NDUFA12: variants seen among roughly 807,000 people sequenced by gnomAD.
The protein encoded by NDUFA12 is NADH:ubiquinone oxidoreductase subunit A12, also known as NADH dehydrogenase [ubiquinone] 1 alpha subcomplex subunit 12.
Under a neutral mutation model 20.3 loss-of-function variants are expected in NDUFA12, and 17 were observed. The observed-to-expected ratio is 0.84, with a 90% CI of 0.57 to 1.26. The LOEUF is 1.26. NDUFA12 is among the 50% of genes most tolerant of loss of function. The pLI is 0.00. For missense variants in NDUFA12, 191 were observed against 183.7 expected, an observed-to-expected ratio of 1.04 and a Z score of -0.23; for synonymous variants, 72 against 63.6, an observed-to-expected ratio of 1.13 and a Z score of -0.63.
At chr12:94,984,716 A>AG in intron 3 of NDUFA12, among the ~76,000 whole-genome samples, 2 of 111,478 alleles carry the variant, frequency 1.8e-5, no homozygotes, top group East Asian at 2.5e-4. Context: ...CTAATAGCCA[A>AG]AAAAAAAAAA....
At chr12:94,977,397 A>C (rs1010418053) in intron 3 of NDUFA12, among the ~76,000 whole-genome samples, 3 of 151,976 alleles carry the variant, frequency 2.0e-5, no homozygotes, top group South Asian at 2.1e-4. Context: ...GCTTGAGCCC[A>C]GGATTTTGAG....
intron 3 of NDUFA12, among the ~76,000 whole-genome samples, chr12:94,985,144 G>A (rs1395358946): frequency 6.6e-6 from 1 of 151,932 alleles, no homozygotes; most frequent in Non-Finnish European, 1.5e-5. Flanking sequence ...GTAACATAGG[G>A]AGACTGTGTT....
intron 2 of NDUFA12, among the ~76,000 whole-genome samples, chr12:94,997,793 G>A (rs1363070375): frequency 1.4e-5 from 2 of 138,492 alleles, no homozygotes; most frequent in Admixed American, 7.6e-5. Context: ...AGCATTTTGG[G>A]TAAGGGATAC....
intron 3 of NDUFA12, among the ~76,000 whole-genome samples, chr12:94,976,426 A>T (rs887906951): frequency 1.3e-5 from 2 of 152,186 alleles, no homozygotes; most frequent in African/African-American, 4.8e-5. Context: ...GGATGCCAAA[A>T]TCCACAAATG....
chr12:94,978,522 T>C (rs1647735622), intron 3 of NDUFA12, among the ~76,000 whole-genome samples: 1 of 152,330 alleles, frequency 6.6e-6, no homozygotes, highest in East Asian at 1.9e-4. Context: ...AATCTGCCTA[T>C]GCACTGGGGA....
chr12:94,988,787 C>T (rs376377437), intron 3 of NDUFA12, among the ~76,000 whole-genome samples: 1 of 152,208 alleles, frequency 6.6e-6, no homozygotes, highest in East Asian at 1.9e-4. Context: ...TCATTTGGTG[C>T]TAACGCCATT....
At chr12:94,974,053 C>A (rs1873982170) in intron 3 of NDUFA12, among the ~76,000 whole-genome samples, 2 of 148,626 alleles carry the variant, frequency 1.3e-5, no homozygotes, top group Admixed American at 6.9e-5. Flanking sequence ...CTCACTGCAA[C>A]CTCTGCCTCC....
chr12:94,994,095 G>A (rs561052594), intron 3 of NDUFA12, 75 bp downstream of exon 3: 2 of 1,340,996 alleles, frequency 1.5e-6, no homozygotes, highest in Middle Eastern at 1.8e-4. Flanking sequence ...CTGCACTCCA[G>A]CCTGGGTGAC....
intron 2 of NDUFA12, among the ~76,000 whole-genome samples, chr12:94,996,746 G>C (rs962202022): frequency 5.9e-5 from 9 of 151,672 alleles, no homozygotes; most frequent in Admixed American, 2.0e-4. Context: ...TTGAACCTGG[G>C]AGGTGGAGGT....
chr12:94,996,027 G>A (rs1001634403), intron 2 of NDUFA12, among the ~76,000 whole-genome samples: 7 of 151,524 alleles, frequency 4.6e-5, no homozygotes, highest in African/African-American at 1.7e-4. Context: ...GGGCAACATA[G>A]TGAAACCTTG....
chr12:95,002,725 A>G lies in NDUFA12; in HGVS notation c.169+14T>C. 1 of 1,599,346 alleles carries G rather than the reference A, an allele frequency of 6.3e-7. No individual in the cohort carries two copies. The highest frequency in any genetic ancestry group is 8.6e-7 in the Non-Finnish European group (1 of 1,166,620). ...CCCAATCCAATTATTCATACTAAAA[A>G]ATACTGCACTCACCAAAAAATTGCT... On this transcript the variant is annotated intron_variant, in intron 2 of 3. Coordinates refer to ENST00000327772, the MANE Select transcript of NDUFA12 (RefSeq NM_018838.5).
chr12:94,993,624 CAAAAAAAAAAAAAAAAAAA>C (rs61481976), intron 3 of NDUFA12, among the ~76,000 whole-genome samples: 1 of 11,350 alleles, frequency 8.8e-5, no homozygotes, highest in African/African-American at 3.6e-4. Context: ...GACTCTGTCT[CAAAAAAAAAAAAAAAAAAA>C]AAAAAAAAAA....
At position 94,979,230 on chromosome 12, in the gene NDUFA12, C is replaced by T. The variant is rs193042185; in HGVS notation, c.258-7610G>A. On this transcript the variant is annotated intron_variant, in intron 3 of 3. Coordinates refer to ENST00000327772, the MANE Select transcript of NDUFA12 (RefSeq NM_018838.5). ...CTCCATCCTCGGCAACAGAGCAAGA[C>T]CCCACCTCTAAAACAAACACCCCCA... is the stretch of plus-strand genomic sequence containing the variant. Among the ~76,000 whole-genome samples, 602 of 152,202 alleles carry T rather than the reference C, an allele frequency of 4.0e-3. 4 individuals carry two copies. The highest frequency in any genetic ancestry group is 6.8e-3 in the Middle Eastern group (2 of 294).
chr12:94,995,884 T>A (rs1178416232), intron 2 of NDUFA12, among the ~76,000 whole-genome samples: 1 of 149,314 alleles, frequency 6.7e-6, no homozygotes, highest in Non-Finnish European at 1.5e-5. Flanking sequence ...GTGTTGCTAT[T>A]TTTAAAAATG....
intron 3 of NDUFA12, 76 bp downstream of exon 3, chr12:94,994,094 A>T: frequency 7.5e-7 from 1 of 1,335,312 alleles, no homozygotes; most frequent in Admixed American, 1.8e-5. Flanking sequence ...ACTGCACTCC[A>T]GCCTGGGTGA....
intron 3 of NDUFA12, 137 bp from the exon 4 acceptor site, chr12:94,971,757 T>C: frequency 1.0e-6 from 1 of 955,620 alleles, no homozygotes; most frequent in Non-Finnish European, 1.7e-6. Context: ...GCTGAATTCT[T>C]CTATGCCTTA....
At chr12:94,982,742 T>G (rs1874284902) in intron 3 of NDUFA12, among the ~76,000 whole-genome samples, 1 of 152,162 alleles carries the variant, frequency 6.6e-6, no homozygotes. Context: ...CACAGGGTCA[T>G]GCCAGTTCTA....
intron 2 of NDUFA12, among the ~76,000 whole-genome samples, chr12:94,994,898 G>A (rs1241191797): frequency 6.6e-6 from 1 of 152,082 alleles, no homozygotes; most frequent in Non-Finnish European, 1.5e-5. Context: ...CTTGGGCTTT[G>A]TCACTTATTA....
At chr12:94,994,293 T>G (rs750206302) in intron 2 of NDUFA12, 36 bp from the exon 3 acceptor site, 3 of 1,562,714 alleles carry the variant, frequency 1.9e-6, no homozygotes, top group Non-Finnish European at 2.6e-6. Flanking sequence ...AAGAAAAACT[T>G]TTTTTTTTAA....
Sources: gnomAD v4.1 joint callset for allele counts (sites outside exome capture counted in the v4.1 genomes callset) on GRCh38, gnomAD v4.1.1 for gene constraint, MANE v1.5 for transcripts, NCBI Gene and HGNC (gene_info 2026-07-23, HGNC 2026-07-21) for gene names.